TMTC4: variants seen among roughly 807,000 people sequenced by gnomAD.
TMTC4 encodes transmembrane O-mannosyltransferase targeting cadherins 4, also known as protein O-mannosyl-transferase TMTC4.
TMTC4 carries 65 observed loss-of-function variants against 86.0 expected under a neutral mutation model. That is an observed-to-expected ratio of 0.76 (90% confidence interval 0.62 to 0.93). TMTC4 has a LOEUF of 0.93. Ranked by LOEUF, TMTC4 falls within the 40% of genes least tolerant of loss-of-function variation. TMTC4 has a pLI of 0.00. For synonymous variants in TMTC4, 379 were observed against 382.5 expected (o/e 0.99, Z 0.11); for missense variants, 866 against 948.1 (o/e 0.91, Z 1.14).
chr13:100,610,360 T>C (rs1877367226), intron 17 of TMTC4, among the ~76,000 whole-genome samples: 1 of 152,178 alleles, frequency 6.6e-6, no homozygotes, highest in Admixed American at 6.5e-5. Flanking sequence ...TAGCAACCGG[T>C]ATCATTTTTG....
chr13:100,629,084 G>A (rs1399960995), intron 12 of TMTC4, among the ~76,000 whole-genome samples: 3 of 152,160 alleles, frequency 2.0e-5, no homozygotes, highest in African/African-American at 7.2e-5. Flanking sequence ...AGGAGTTGGA[G>A]GCTGCAGTGA....
chr13:100,606,367 C>T lies in TMTC4; in HGVS notation c.2125G>A (p.Gly709Ser), dbSNP rs200052203. 48 of 1,613,150 alleles carry T rather than the reference C, an allele frequency of 3.0e-5. No homozygotes were observed. The highest frequency in any genetic ancestry group is 3.5e-5 in the Non-Finnish European group (41 of 1,179,784). Reference protein sequence around the residue: ...KANPNAASYHGNLAVLYHRWG... With the variant: ...KANPNAASYHSNLAVLYHRWG... ...TGAACATTTTTCTTACCCAAATTAC[C>T]ATGGTAACTTGCAGCATTTGGATTT... The change falls in exon 18 of 19, where the codon GGT (glycine) becomes AGT (serine). Residue 709 changes from glycine (G) to serine (S), a missense_variant. Transcript: ENST00000342624.
At chr13:100,626,185 A>AG (rs754283491) in intron 12 of TMTC4, 35 bp from the exon 13 acceptor site, 2 of 1,604,196 alleles carry the variant, frequency 1.2e-6, no homozygotes, top group Non-Finnish European at 1.7e-6. Flanking sequence ...ATCAGCAGAC[A>AG]GACTTCTTGT....
intron 15 of TMTC4, chr13:100,624,450 C>A (rs910791655): frequency 6.5e-6 from 1 of 154,392 alleles, no homozygotes. Context: ...AGGGCCTGCG[C>A]AGCCAAGCGC....
intron 12 of TMTC4, among the ~76,000 whole-genome samples, chr13:100,631,418 G>T (rs530060983): frequency 3.3e-5 from 5 of 152,284 alleles, no homozygotes; most frequent in South Asian, 4.1e-4. Context: ...ATTGTTAAAA[G>T]AATTTATTAT....
intron 15 of TMTC4, chr13:100,623,811 C>T: frequency 2.4e-6 from 1 of 413,634 alleles, no homozygotes; most frequent in Non-Finnish European, 4.8e-6. Flanking sequence ...TGGGGCATTG[C>T]TGGGTCTTGC....
chr13:100,605,065 C>T lies in TMTC4; in HGVS notation c.2212G>A (p.Ala738Thr), dbSNP rs754269023. ...YEISLQLDPT[A>T]SGTKENYGLL... ...CCGTAATTCTCCTTAGTTCCTGATG[C>T]CGTGGGGTCAAGCTGCAAGGAGATT... The change falls in exon 19 of 19, where the codon GCA becomes ACA. Residue 738 changes from alanine (A) to threonine (T), a missense_variant. Transcript: ENST00000342624. This position sits in a 1 kb window ranked among gnomAD's most constrained non-coding sequence, Gnocchi z 4.3. The T allele has an allele frequency of 8.7e-6, 14 of 1,614,062 alleles. No individual in the cohort carries two copies. The highest frequency in any genetic ancestry group is 1.1e-5 in the Non-Finnish European group (13 of 1,180,012).
intron 5 of TMTC4, among the ~76,000 whole-genome samples, chr13:100,659,100 A>T (rs1885459995): frequency 6.6e-6 from 1 of 152,148 alleles, no homozygotes; most frequent in Admixed American, 6.5e-5. Context: ...AATCACTGCA[A>T]TCCCTCTGAA....
In TMTC4 at chr13:100,620,153, C is replaced by T. The variant is rs776335338; in HGVS notation, c.1836+5382G>A. Among the ~76,000 whole-genome samples, 5 of 152,312 alleles carry T rather than the reference C, an allele frequency of 3.3e-5. No homozygotes were observed. In the South Asian group the frequency reaches 8.3e-4, roughly 25 times the overall value. The stretch of plus-strand genomic sequence containing the variant: ...TAACATCAATCACCCAGCAGTCCTA[C>T]GCTTACCCTTCTGTACTCTGCTCTG... On this transcript the variant is annotated intron_variant, in intron 15 of 18. Coordinates refer to ENST00000342624, the MANE Select transcript of TMTC4 (RefSeq NM_032813.5).
intron 15 of TMTC4, among the ~76,000 whole-genome samples, chr13:100,615,800 C>T (rs545358842): frequency 1.3e-5 from 2 of 152,320 alleles, no homozygotes; most frequent in African/African-American, 4.8e-5. Flanking sequence ...AGGTTTGTTA[C>T]ATGGGTAAAT....
intron 6 of TMTC4, among the ~76,000 whole-genome samples, chr13:100,642,572 C>T (rs555044260): frequency 3.2e-4 from 48 of 152,202 alleles, no homozygotes; most frequent in African/African-American, 8.9e-4. Flanking sequence ...GCCACAAAGA[C>T]GTCTCATGCC....
chr13:100,636,672 C>T lies in TMTC4; in HGVS notation c.1062G>A (p.Leu354=), dbSNP rs756008314. ...TGCAGCCCATTGACCAATCAAAACA[C>T]AGCCACCAGGGACACAGCAGCAGCC... ...NAWLLLCPWW[L]CFDWSMGCIP... Residue 354 remains leucine (L), a synonymous_variant, in exon 10 of 19, where the codon CTG becomes CTA. Transcript: ENST00000342624. 4.3e-6 allele frequency: 7 copies of T among 1,614,200 alleles called. No individual in the cohort carries two copies. The Admixed American group carries it at 5.0e-5, about 12-fold the overall frequency.
intron 6 of TMTC4, among the ~76,000 whole-genome samples, chr13:100,650,553 C>T (rs1379729148): frequency 6.6e-6 from 1 of 152,254 alleles, no homozygotes; most frequent in Non-Finnish European, 1.5e-5. Flanking sequence ...ACCACGCCAC[C>T]CCGACAGGTG....
chr13:100,621,554 T>C (rs1486506258), intron 15 of TMTC4, among the ~76,000 whole-genome samples: 1 of 152,098 alleles, frequency 6.6e-6, no homozygotes, highest in South Asian at 2.1e-4. Context: ...GCCTCCTGAG[T>C]AGCTGGGACT....
chr13:100,658,231 T>C (rs1412391994), intron 5 of TMTC4, among the ~76,000 whole-genome samples: 1 of 152,082 alleles, frequency 6.6e-6, no homozygotes, highest in Non-Finnish European at 1.5e-5. Context: ...GACTATGAGT[T>C]CCCTGGTGGG....
chr13:100,638,213 A>G (rs1882535987), intron 7 of TMTC4, 191 bp from the exon 8 acceptor site: 1 of 506,622 alleles, frequency 2.0e-6, no homozygotes, highest in East Asian at 3.1e-5. Flanking sequence ...AAGGTAATAG[A>G]TCATATTTAT....
At chr13:100,673,512 C>T (rs1056589385) in intron 1 of TMTC4, among the ~76,000 whole-genome samples, 10 of 152,176 alleles carry the variant, frequency 6.6e-5, no homozygotes, top group African/African-American at 1.7e-4. Context: ...CGTTTGTGAC[C>T]CTGCATCCCT....
Position 100,605,140 on chromosome 13 carries a change from C to T in TMTC4, c.2137G>A (p.Val713Met), listed in dbSNP as rs758615266. 5 of 1,609,342 alleles carry T rather than the reference C, an allele frequency of 3.1e-6. No homozygotes were observed. Among genetic ancestry groups the T allele is most frequent in the East Asian group, 2.2e-5 (1 of 44,698 alleles). Residue 713 changes from valine to methionine, a missense_variant and splice_region_variant, in exon 19 of 19, where the codon GTG becomes ATG. Transcript: ENST00000342624. This position sits in a 1 kb window ranked among gnomAD's most constrained non-coding sequence, Gnocchi z 4.3. ...AGATGTCCCCAACGATGATAAAGCA[C>T]AGCTGAAATAGCAGGAGATAAATTT... ...NAASYHGNLA[V>M]LYHRWGHLDL...
chr13:100,668,917 A>G (rs548855970), intron 2 of TMTC4, 123 bp from the exon 3 acceptor site: 1 of 1,052,282 alleles, frequency 9.5e-7, no homozygotes, highest in Admixed American at 2.5e-5. Flanking sequence ...GTGATCAGTA[A>G]CAATTTGAAG....
Sources: allele counts gnomAD v4.1 joint callset (sites outside exome capture counted in the v4.1 genomes callset), GRCh38; gene constraint gnomAD v4.1.1; non-coding constraint Gnocchi (gnomAD v3.1); transcripts MANE v1.5; gene names NCBI Gene and HGNC (gene_info 2026-07-23, HGNC 2026-07-21).